The following DRC8 variants were observed in gnomAD, a reference collection of about 807,000 sequenced individuals.
DRC8 encodes dynein regulatory complex protein 8.
chr1:245,011,235 T>C, the DRC8 span, among the ~76,000 whole-genome samples: 1 of 152,204 alleles, frequency 6.6e-6, no homozygotes, highest in Non-Finnish European at 1.5e-5. Flanking sequence ...AATATCACTA[T>C]GTCAGCCACC....
the DRC8 span, among the ~76,000 whole-genome samples, chr1:245,100,395 G>GTAATAATAATAA: frequency 0.018 from 2,760 of 149,254 alleles, 101 homozygotes; most frequent in African/African-American, 0.064. Context: ...AAAAGTAGTA[G>GTAATAATAATAA]TAATAATAAT....
chr1:244,979,015 A>G, the DRC8 span, among the ~76,000 whole-genome samples: 3 of 152,144 alleles, frequency 2.0e-5, no homozygotes, highest in African/African-American at 7.2e-5. Flanking sequence ...ATGTATGATG[A>G]TTGGGTGCCT....
chr1:245,037,697 G>A, the DRC8 span, among the ~76,000 whole-genome samples: 88 of 152,110 alleles, frequency 5.8e-4, no homozygotes, highest in South Asian at 1.2e-3. Context: ...ATAGAAGAAA[G>A]AACTATCTTT....
At chr1:244,986,557 A>G in the DRC8 span, among the ~76,000 whole-genome samples, 3 of 152,080 alleles carry the variant, frequency 2.0e-5, no homozygotes, top group Admixed American at 6.6e-5. Flanking sequence ...GGGAAATGAT[A>G]CAATTCATTA....
At chr1:245,059,473 A>G in the DRC8 span, 2 of 1,607,484 alleles carry the variant, frequency 1.2e-6, no homozygotes, top group Admixed American at 3.4e-5. Context: ...GTACGGCGAA[A>G]AGGTTTCATT....
the DRC8 span, chr1:245,059,469 C>T: frequency 3.0e-5 from 49 of 1,607,332 alleles, 1 homozygote; most frequent in Middle Eastern, 2.5e-3. Flanking sequence ...GTGAGTACGG[C>T]GAAAAGGTTT....
the DRC8 span, among the ~76,000 whole-genome samples, chr1:245,044,504 T>C: frequency 6.6e-6 from 1 of 152,116 alleles, no homozygotes; most frequent in Non-Finnish European, 1.5e-5. Context: ...TTTTATCATT[T>C]ATTTATTTAT....
chr1:245,006,457 C>T, the DRC8 span, among the ~76,000 whole-genome samples: 438 of 152,158 alleles, frequency 2.9e-3, 1 homozygote, highest in African/African-American at 9.8e-3. Context: ...CATGCCACCA[C>T]ACCCAGCTAA....
chr1:245,111,258 G>A, the DRC8 span, among the ~76,000 whole-genome samples: 20 of 152,076 alleles, frequency 1.3e-4, no homozygotes, highest in Non-Finnish European at 1.5e-4. Flanking sequence ...GCACTGAGTC[G>A]AGACCACCAA....
At chr1:244,972,318 C>T in the DRC8 span, among the ~76,000 whole-genome samples, 3 of 152,094 alleles carry the variant, frequency 2.0e-5, no homozygotes, top group African/African-American at 4.8e-5. Context: ...GTCTTTGCTT[C>T]CAAGGAAGGT....
the DRC8 span, among the ~76,000 whole-genome samples, chr1:245,035,461 C>T: frequency 6.6e-6 from 1 of 151,932 alleles, no homozygotes; most frequent in Non-Finnish European, 1.5e-5. Flanking sequence ...CAAGACAATT[C>T]GATAGAAAAA....
At chr1:245,050,456 T>C in the DRC8 span, among the ~76,000 whole-genome samples, 1 of 152,126 alleles carries the variant, frequency 6.6e-6, no homozygotes, top group African/African-American at 2.4e-5. Context: ...CTCTCTCCTA[T>C]ATTTCCCTAG....
the DRC8 span, among the ~76,000 whole-genome samples, chr1:245,111,243 C>T: frequency 5.2e-4 from 79 of 152,304 alleles, no homozygotes; most frequent in African/African-American, 1.8e-3. Flanking sequence ...GGTCTGCACT[C>T]GTGGGCACTG....
At chr1:245,040,958 T>C in the DRC8 span, among the ~76,000 whole-genome samples, 1 of 152,164 alleles carries the variant, frequency 6.6e-6, no homozygotes, top group Non-Finnish European at 1.5e-5. Flanking sequence ...CAATTTCAAA[T>C]AGTAATAAAT....
the DRC8 span, among the ~76,000 whole-genome samples, chr1:245,088,117 G>A: frequency 6.6e-6 from 1 of 152,156 alleles, no homozygotes; most frequent in African/African-American, 2.4e-5. This position sits in a 1 kb window ranked among gnomAD's most constrained non-coding sequence, Gnocchi z 4.6. Context: ...GTGTGCAAAT[G>A]TACAGCTCCT....
the DRC8 span, among the ~76,000 whole-genome samples, chr1:244,985,818 C>T: frequency 0.55 from 81,662 of 149,542 alleles, 24,015 homozygotes; most frequent in East Asian, 0.75. Context: ...GAGCCGAGAT[C>T]GTGCCACTGA....
the DRC8 span, among the ~76,000 whole-genome samples, chr1:245,034,111 A>G: frequency 6.6e-6 from 1 of 152,194 alleles, no homozygotes; most frequent in Admixed American, 6.5e-5. Flanking sequence ...AATGTCTGCT[A>G]GAGTTTCATC....
the DRC8 span, among the ~76,000 whole-genome samples, chr1:245,070,928 C>G: frequency 6.6e-6 from 1 of 152,324 alleles, no homozygotes; most frequent in East Asian, 1.9e-4. Flanking sequence ...CCTTGCATCC[C>G]TCTGCCATGT....
the DRC8 span, among the ~76,000 whole-genome samples, chr1:245,098,409 C>G: frequency 6.6e-6 from 1 of 151,988 alleles, no homozygotes; most frequent in South Asian, 2.1e-4. Flanking sequence ...AGAAGGGCTC[C>G]GAGGGCTGAA....
Sources: gnomAD v4.1 joint callset for allele counts (sites outside exome capture counted in the v4.1 genomes callset) on GRCh38, gnomAD v4.1.1 for gene constraint, Gnocchi (gnomAD v3.1) non-coding constraint, MANE v1.5 for transcripts, NCBI Gene and HGNC (gene_info 2026-07-23, HGNC 2026-07-21) for gene names.